Variants in MEA1 observed in about 807,000 individuals in gnomAD.
MEA1 encodes male-enhanced antigen 1, also known as Male-enhanced antigen (H-Y structural gene).
MEA1 carries 22 observed loss-of-function variants against 21.4 expected under a neutral mutation model. The observed-to-expected ratio is 1.03, with a 90% CI of 0.73 to 1.47. The LOEUF (loss-of-function observed/expected upper bound fraction) is 1.47, where lower values mean the gene tolerates loss of function less well. MEA1 is among the 40% of genes most tolerant of loss of function. The pLI is 0.00. For missense variants in MEA1, 233 were observed against 230.5 expected (o/e 1.01, Z -0.07); for synonymous variants, 91 against 85.5 (o/e 1.06, Z -0.35).
Position 43,013,403 on chromosome 6 carries a change from G to A in MEA1, c.29-14C>T, listed in dbSNP as rs1186856769. 1 of 1,609,868 alleles carries A rather than the reference G, an allele frequency of 6.2e-7. No individual in the cohort carries two copies. The highest frequency in any genetic ancestry group is 2.2e-5 in the East Asian group (1 of 44,850). On this transcript the variant is annotated splice_polypyrimidine_tract_variant and intron_variant, in intron 1 of 3. Coordinates refer to ENST00000244711, the MANE Select transcript of MEA1 (RefSeq NM_014623.4). ...TCCGGGCAGGGGCTGCAAGAACAGGGAGGCGGTAGGACAGGGATCGGATGA... is the reference window on the plus strand; with the variant it reads ...TCCGGGCAGGGGCTGCAAGAACAGGAAGGCGGTAGGACAGGGATCGGATGA...
intron 3 of MEA1, 63 bp downstream of exon 3, chr6:43,012,863 C>T (rs748824733): frequency 2.6e-5 from 39 of 1,479,558 alleles, no homozygotes; most frequent in Middle Eastern, 1.7e-4. Flanking sequence ...AAACTTCCTT[C>T]TACTGACTCA....
Position 43,012,540 on chromosome 6 carries a change from G to A in MEA1, c.488C>T (p.Ser163Leu), listed in dbSNP as rs774682451. Residue 163 changes from serine (S) to leucine (L), a missense_variant, in exon 4 of 4, where the codon TCG becomes TTG. Physicochemically the swap from Ser to Leu is moderately radical, Grantham distance 145 (BLOSUM62 -2). Transcript: ENST00000244711. ...TACCACATCTTCCCACTGGGCATCC[G>A]ATATCTCCCGAGCCCAGGCAGGAAC... is the stretch of plus-strand genomic sequence containing the variant. ...PGVPAWAREI[S>L]DAQWEDVVQK... 3.0e-5 allele frequency: 48 copies of A among 1,612,436 alleles called. 1 individual carries two copies. In the East Asian group the frequency reaches 5.1e-4, roughly 17 times the overall value.
intron 1 of MEA1, 160 bp from the exon 2 acceptor site, chr6:43,013,549 TC>T (rs1762456781): frequency 2.3e-6 from 2 of 874,098 alleles, no homozygotes; most frequent in African/African-American, 1.7e-5. Context: ...CTCTCGTTCC[TC>T]CCCCTCCTAA....
chr6:43,012,017 G>A lies in MEA1; in HGVS notation c.*453C>T, dbSNP rs1762374838. The stretch of plus-strand genomic sequence containing the variant: ...TCACAGACATGGAAGGGACCACCCT[G>A]GGGCTGACTGCTTTTCTGTGCTGTT... On this transcript the variant is annotated 3_prime_UTR_variant, in exon 4 of 4. Transcript: ENST00000244711. 2 of 194,516 alleles carry A rather than the reference G, an allele frequency of 1.0e-5. No homozygotes were observed. The highest frequency in any genetic ancestry group is 3.5e-4 in the South Asian group (2 of 5,676). The allele number at this position is 194,516 out of a possible 1,614,324, so 12.0% of individuals were successfully genotyped here.
rs760947311 is a variant in MEA1, at chr6:43,012,158, T to C, written c.*312A>G. 21 of 1,057,078 alleles carry C rather than the reference T, an allele frequency of 2.0e-5. No individual in the cohort carries two copies. The highest frequency in any genetic ancestry group is 8.3e-5 in the African/African-American group (5 of 60,116). The allele number at this position is 1,057,078 out of a possible 1,614,324, so 65.5% of individuals were successfully genotyped here. A position where few individuals can be genotyped will look rare whatever the true frequency, so the allele number is the denominator to read the frequency against. On this transcript the variant is annotated 3_prime_UTR_variant, in exon 4 of 4. Transcript: ENST00000244711. ...TGGGCAGGCCTTCTCTTGTCCCTTA[T>C]AGGTACCTTGGAGGGGCCAGGGGCT... is the stretch of plus-strand genomic sequence containing the variant.
rs747455291 is a variant in MEA1 at position 43,012,973 on chromosome 6, TC to T, written c.358del (p.Glu120ArgfsTer6). ...GTGGTTGTTCAACGCTGTAGCTCCCTCCTCATCTTCATCTTCACTCTCTAAT... is the reference window on the plus strand; with the variant it reads ...GTGGTTGTTCAACGCTGTAGCTCCCTCTCATCTTCATCTTCACTCTCTAAT... ...PPLESEDEDEEGATALNNHSS... is the reference protein window; with the variant it reads ...PPLESEDEDEXGATALNNHSS... On this transcript the variant is annotated frameshift_variant, in exon 3 of 4. Coordinates refer to ENST00000244711, the MANE Select transcript of MEA1 (RefSeq NM_014623.4). LOFTEE classifies it high-confidence loss of function. 4.3e-6 allele frequency: 7 copies of T among 1,609,296 alleles called. No individual in the cohort carries two copies. The highest frequency in any genetic ancestry group is 5.9e-6 in the Non-Finnish European group (7 of 1,178,050).
chr6:43,013,745 C>T, intron 1 of MEA1, 41 bp downstream of exon 1: 4 of 1,559,800 alleles, frequency 2.6e-6, no homozygotes, highest in South Asian at 1.1e-5. Context: ...GGTCGGCGTA[C>T]CCGCCCCCTT....
At chr6:43,014,710 G>T, upstream of MEA1, 1 of 439,010 alleles carries the variant, frequency 2.3e-6, no homozygotes. Flanking sequence ...GAGGGGTATC[G>T]TGGTCAGTGC....
Position 43,011,490 on chromosome 6 carries a change from G to C in MEA1, c.*980C>G, listed in dbSNP as rs1258079413. The C allele has an allele frequency of 7.6e-6, 5 of 656,446 alleles. No individual in the cohort carries two copies. The highest frequency in any genetic ancestry group is 4.3e-4 in the Middle Eastern group (1 of 2,352). 40.7% of individuals were successfully genotyped at this position (656,446 alleles called of 1,614,324 possible). A position where few individuals can be genotyped will look rare whatever the true frequency, so the allele number is the denominator to read the frequency against. On this transcript the variant is annotated 3_prime_UTR_variant, in exon 4 of 4. Transcript: ENST00000244711. Reference sequence around the variant, plus strand: ...CAAAAGGTGTTCATGCCTCCCTGTGGCTAGTACAGGCTGAGCACTAAGATG... The same window carrying C: ...CAAAAGGTGTTCATGCCTCCCTGTGCCTAGTACAGGCTGAGCACTAAGATG...
chr6:43,011,256 G>C lies in MEA1; in HGVS notation c.*1214C>G, dbSNP rs1762341099. The C allele has an allele frequency of 6.2e-7, 1 of 1,614,070 alleles. No individual in the cohort carries two copies. The highest frequency in any genetic ancestry group is 8.5e-7 in the Non-Finnish European group (1 of 1,180,012). On this transcript the variant is annotated 3_prime_UTR_variant, in exon 4 of 4. Coordinates refer to ENST00000244711, the MANE Select transcript of MEA1 (RefSeq NM_014623.4). Reference sequence around the variant, plus strand: ...TGGAGGCGCACAAGCGGGCGGAAGAGTTCCTAACTGCCAGCCAGGAGGCTC... The same window carrying C: ...TGGAGGCGCACAAGCGGGCGGAAGACTTCCTAACTGCCAGCCAGGAGGCTC...
chr6:43,014,127 A>C (rs973982847), upstream of MEA1: 2 of 1,411,274 alleles, frequency 1.4e-6, no homozygotes, highest in African/African-American at 1.4e-5. Context: ...GCCCCTGCCC[A>C]CTCCTCAGCC....
intron 1 of MEA1, 91 bp from the exon 2 acceptor site, chr6:43,013,480 A>C (rs1254012337): frequency 6.7e-5 from 96 of 1,423,374 alleles, no homozygotes; most frequent in Non-Finnish European, 9.0e-5. Flanking sequence ...TCCTGCGTGC[A>C]AAAAACCAGC....
At chr6:43,014,118 C>A (rs2236357), upstream of MEA1, 80,657 of 1,418,154 alleles carry the variant, frequency 0.057, 3,695 homozygotes, top group African/African-American at 0.17. Flanking sequence ...CTCTCCTACG[C>A]CCCTGCCCAC....
chr6:43,012,385 A>G lies in MEA1; in HGVS notation c.*85T>C, dbSNP rs1762395272. On this transcript the variant is annotated 3_prime_UTR_variant, in exon 4 of 4. Coordinates refer to ENST00000244711, the MANE Select transcript of MEA1 (RefSeq NM_014623.4). ...GTGGAAAGGGAGACGGGGAAGATGG[A>G]AATGGACATTACAACCAGGGATGTG... The G allele has an allele frequency of 1.0e-5, 15 of 1,492,154 alleles. No individual in the cohort carries two copies. Among genetic ancestry groups the G allele is most frequent in the Admixed American group, 2.3e-5 (1 of 43,092 alleles). 92.4% of individuals were successfully genotyped at this position (1,492,154 alleles called of 1,614,324 possible). A position where few individuals can be genotyped will look rare whatever the true frequency, so the allele number is the denominator to read the frequency against.
chr6:43,013,624 C>G, intron 1 of MEA1, 162 bp downstream of exon 1: 1 of 861,140 alleles, frequency 1.2e-6, no homozygotes, highest in East Asian at 2.7e-5. Flanking sequence ...GTTAAACGCC[C>G]AACCGGAGGC....
Position 43,011,340 on chromosome 6 carries a change from C to T in MEA1, c.*1130G>A, listed in dbSNP as rs923112096. 1.2e-6 allele frequency: 2 copies of T among 1,608,198 alleles called. No homozygotes were observed. The highest frequency in any genetic ancestry group is 1.1e-5 in the South Asian group (1 of 90,552). ...GCCCACACAGCCCTGGGACACTGCC[C>T]TGGCCCTCCATACTCTGCTCCCTAC... On this transcript the variant is annotated 3_prime_UTR_variant, in exon 4 of 4. Transcript: ENST00000244711.
chr6:43,013,402 G>A lies in MEA1; in HGVS notation c.29-13C>T, dbSNP rs1489508829. On this transcript the variant is annotated splice_polypyrimidine_tract_variant and intron_variant, in intron 1 of 3. Coordinates refer to ENST00000244711, the MANE Select transcript of MEA1 (RefSeq NM_014623.4). The stretch of plus-strand genomic sequence containing the variant: ...ATCCGGGCAGGGGCTGCAAGAACAG[G>A]GAGGCGGTAGGACAGGGATCGGATG... The A allele has an allele frequency of 2.5e-6, 4 of 1,609,888 alleles. No homozygotes were observed. Among genetic ancestry groups the A allele is most frequent in the Non-Finnish European group, 3.4e-6 (4 of 1,178,612 alleles).
Position 43,013,896 on chromosome 6 carries a change from AC to A in MEA1, c.-84del. 1 of 1,445,446 alleles carries A rather than the reference AC, an allele frequency of 6.9e-7. No homozygotes were observed. Among genetic ancestry groups the A allele is most frequent in the Non-Finnish European group, 9.1e-7 (1 of 1,097,870 alleles). 89.5% of individuals were successfully genotyped at this position (1,445,446 alleles called of 1,614,324 possible). On this transcript the variant is annotated 5_prime_UTR_variant, in exon 1 of 4. Coordinates refer to ENST00000244711, the MANE Select transcript of MEA1 (RefSeq NM_014623.4). Reference sequence around the variant, plus strand: ...CGGCGCCGGTGTTCCCGCGCGCCTCACCCGCTCAGAGCCCGCGGCCTCCACT... The same window carrying A: ...CGGCGCCGGTGTTCCCGCGCGCCTCACCGCTCAGAGCCCGCGGCCTCCACT...
rs146361674 is a variant in MEA1 at position 43,012,960 on chromosome 6, C to T, written c.372G>A (p.Ala124=). The T allele has an allele frequency of 2.7e-5, 43 of 1,614,176 alleles. No homozygotes were observed. The African/African-American group carries it at 5.3e-4, about 20-fold the overall frequency. ...TGGGAATAGAGCTGTGGTTGTTCAA[C>T]GCTGTAGCTCCCTCCTCATCTTCAT... is the stretch of plus-strand genomic sequence containing the variant. ...SEDEDEEGAT[A]LNNHSSIPMD... Residue 124 remains alanine (A), a synonymous_variant, in exon 3 of 4, where the codon GCG becomes GCA. Transcript: ENST00000244711.
Sources: allele counts gnomAD v4.1 joint callset, GRCh38; gene constraint gnomAD v4.1.1; transcripts MANE v1.5; gene names NCBI Gene and HGNC (gene_info 2026-07-23, HGNC 2026-07-21).